Variants in RBFOX3 observed in about 807,000 individuals in gnomAD.
The protein encoded by RBFOX3 is RNA binding fox-1 homolog 3, also known as RNA binding protein fox-1 homolog 3.
Under a neutral mutation model 48.7 loss-of-function variants are expected in RBFOX3, and 17 were observed. The ratio of observed to expected loss-of-function variants is 0.35; its 90% CI spans 0.24 to 0.52. The LOEUF (loss-of-function observed/expected upper bound fraction) is 0.52. RBFOX3 is among the 20% of genes least tolerant of loss of function. The pLI is 0.94. For synonymous variants in RBFOX3, 212 were observed against 209.5 expected, an observed-to-expected ratio of 1.01 and a Z score of -0.10; for missense variants, 382 against 497.5, an observed-to-expected ratio of 0.77 and a Z score of 2.21.
intron 1 of RBFOX3, among the ~76,000 whole-genome samples, chr17:79,559,617 A>G (rs1209030029): frequency 2.3e-3 from 73 of 31,148 alleles, no homozygotes; most frequent in Non-Finnish European, 3.8e-3. Context: ...GAATAGGTAG[A>G]TGGATGGATG....
chr17:79,521,682 C>T (rs1477682033), intron 1 of RBFOX3, among the ~76,000 whole-genome samples: 2 of 151,936 alleles, frequency 1.3e-5, no homozygotes, highest in East Asian at 3.8e-4. Flanking sequence ...AACTCACAGA[C>T]ACACTCATAC....
the RBFOX3 span, among the ~76,000 whole-genome samples, chr17:79,655,095 C>T: frequency 1.3e-5 from 2 of 152,286 alleles, no homozygotes; most frequent in African/African-American, 4.8e-5. Context: ...CACACCGGGC[C>T]GTGAGTTAAA....
At chr17:79,656,761 G>T in the RBFOX3 span, among the ~76,000 whole-genome samples, 1 of 55,602 alleles carries the variant, frequency 1.8e-5, no homozygotes, top group Non-Finnish European at 4.5e-5. Context: ...AAGGAAGGAA[G>T]GAAGGAAGGA....
At chr17:79,096,271 C>T (rs2075236070) in intron 12 of RBFOX3, among the ~76,000 whole-genome samples, 2 of 152,146 alleles carry the variant, frequency 1.3e-5, no homozygotes, top group Non-Finnish European at 2.9e-5. Context: ...ACCCAGGGGC[C>T]CTGCCTCCTG....
At chr17:79,248,382 G>A (rs753942583) in intron 3 of RBFOX3, among the ~76,000 whole-genome samples, 12 of 152,030 alleles carry the variant, frequency 7.9e-5, no homozygotes, top group African/African-American at 1.7e-4. Flanking sequence ...ACAGGCGCCC[G>A]TCAAGGGCTG....
At chr17:79,612,070 T>C (rs1210147980), upstream of RBFOX3, among the ~76,000 whole-genome samples, 8 of 151,916 alleles carry the variant, frequency 5.3e-5, no homozygotes, top group Non-Finnish European at 1.2e-4. Flanking sequence ...GCAGGAGAGA[T>C]CTATTGCTGG....
At chr17:79,114,221 G>A (rs866007523) in intron 5 of RBFOX3, among the ~76,000 whole-genome samples, 4 of 152,170 alleles carry the variant, frequency 2.6e-5, no homozygotes, top group South Asian at 2.1e-4. Context: ...CACACAGGGC[G>A]TGGGTTTGAT....
chr17:79,267,254 CT>C (rs1761906711), intron 3 of RBFOX3, among the ~76,000 whole-genome samples: 1 of 152,200 alleles, frequency 6.6e-6, no homozygotes, highest in African/African-American at 2.4e-5. Context: ...GGGAGTCATA[CT>C]CTTTGGCGGG....
At chr17:79,138,365 G>A (rs868695349) in intron 4 of RBFOX3, among the ~76,000 whole-genome samples, 9 of 152,024 alleles carry the variant, frequency 5.9e-5, no homozygotes, top group Non-Finnish European at 8.8e-5. Flanking sequence ...GTGAACACCC[G>A]CACGCACACA....
intron 4 of RBFOX3, 145 bp downstream of exon 4, chr17:79,235,621 C>A (rs1011496519): frequency 5.9e-5 from 9 of 153,552 alleles, no homozygotes; most frequent in Admixed American, 4.6e-4. Flanking sequence ...CCAAGCCTTC[C>A]CTCCACAGCC....
At chr17:79,420,624 G>A (rs1317539769) in intron 2 of RBFOX3, among the ~76,000 whole-genome samples, 1 of 152,206 alleles carries the variant, frequency 6.6e-6, no homozygotes, top group Non-Finnish European at 1.5e-5. Context: ...GGCAGGCCTA[G>A]GGGAGGGAAG....
chr17:79,090,758 T>G lies in RBFOX3; in HGVS notation c.*125A>C. The G allele has an allele frequency of 5.0e-6, 6 of 1,204,098 alleles. No individual in the cohort carries two copies. The highest frequency in any genetic ancestry group is 5.7e-6 in the Non-Finnish European group (5 of 878,322). The allele number at this position is 1,204,098 out of a possible 1,614,324, so 74.6% of individuals were successfully genotyped here. On this transcript the variant is annotated 3_prime_UTR_variant, in exon 15 of 15. Transcript: ENST00000693108. The stretch of plus-strand genomic sequence containing the variant: ...GACTTGGACTTGGTTGGATGCCTCT[T>G]GGTTTGGTTGGTTTTTTTTTTGTTG...
At chr17:79,339,717 A>C (rs1469595354) in intron 2 of RBFOX3, among the ~76,000 whole-genome samples, 1 of 152,230 alleles carries the variant, frequency 6.6e-6, no homozygotes, top group Non-Finnish European at 1.5e-5. Context: ...TGGCACAGCA[A>C]CTGTTGGCCT....
chr17:79,656,812 A>G, the RBFOX3 span, among the ~76,000 whole-genome samples: 5 of 65,256 alleles, frequency 7.7e-5, no homozygotes, highest in South Asian at 1.1e-3. Context: ...GAAAGAAAAG[A>G]AAGAGAAAGA....
At chr17:79,336,389 A>AAAT (rs2081194161) in intron 2 of RBFOX3, among the ~76,000 whole-genome samples, 2 of 146,804 alleles carry the variant, frequency 1.4e-5, no homozygotes, top group Non-Finnish European at 3.0e-5. Context: ...TTCATCTCAA[A>AAAT]AAATAAATAA....
chr17:79,094,754 C>T (rs2074820938), intron 13 of RBFOX3, among the ~76,000 whole-genome samples: 2 of 140,828 alleles, frequency 1.4e-5, no homozygotes, highest in Admixed American at 1.4e-4. Context: ...AATATGCCCA[C>T]AGTGTGCTGA....
At chr17:79,448,759 A>C (rs1364501507) in intron 2 of RBFOX3, among the ~76,000 whole-genome samples, 2 of 152,158 alleles carry the variant, frequency 1.3e-5, no homozygotes, top group Non-Finnish European at 2.9e-5. Context: ...AACTTGCAGG[A>C]GCTCCCAGAG....
intron 3 of RBFOX3, among the ~76,000 whole-genome samples, chr17:79,289,170 C>T (rs534643772): frequency 3.3e-5 from 5 of 152,332 alleles, no homozygotes; most frequent in East Asian, 3.9e-4. Context: ...CAGGCCTCTC[C>T]AATACGTTCC....
chr17:79,659,194 C>G, the RBFOX3 span, among the ~76,000 whole-genome samples: 1 of 152,172 alleles, frequency 6.6e-6, no homozygotes, highest in African/African-American at 2.4e-5. Flanking sequence ...TCTACAACCC[C>G]CTAACCCTGA....
Sources: gnomAD v4.1 joint callset for allele counts (sites outside exome capture counted in the v4.1 genomes callset) on GRCh38, gnomAD v4.1.1 for gene constraint, MANE v1.5 for transcripts, NCBI Gene and HGNC (gene_info 2026-07-23, HGNC 2026-07-21) for gene names.